Variants in RELN observed in about 807,000 individuals in gnomAD.
RELN encodes the protein reelin.
RELN carries 108 observed loss-of-function variants against 427.6 expected under a neutral mutation model. The ratio of observed to expected loss-of-function variants is 0.25; its 90% confidence interval spans 0.22 to 0.30. The LOEUF (loss-of-function observed/expected upper bound fraction) is 0.30, where lower values mean the gene tolerates loss of function less well. Ranked by LOEUF, RELN falls within the 10% of genes least tolerant of loss-of-function variation. The pLI is 1.00. For synonymous variants in RELN, 1,524 were observed against 1,513.4 expected, an observed-to-expected ratio of 1.01 and a Z score of -0.16; for missense variants, 3,715 against 4,302.8, an observed-to-expected ratio of 0.86 and a Z score of 3.82.
At chr7:103,645,330 G>A (rs1460574929) in intron 16 of RELN, among the ~76,000 whole-genome samples, 1 of 151,806 alleles carries the variant, frequency 6.6e-6, no homozygotes, top group South Asian at 2.1e-4. Flanking sequence ...AAAAGATACA[G>A]ATTGGCAGAA....
intron 10 of RELN, among the ~76,000 whole-genome samples, chr7:103,688,800 A>G (rs980094628): frequency 5.3e-5 from 8 of 152,136 alleles, no homozygotes; most frequent in African/African-American, 1.9e-4. Context: ...TACAAGAGCA[A>G]CAGAAAATTA....
chr7:103,952,477 T>C (rs889498328), intron 1 of RELN, among the ~76,000 whole-genome samples: 2 of 152,206 alleles, frequency 1.3e-5, no homozygotes, highest in African/African-American at 2.4e-5. Context: ...AAAATGTTTA[T>C]GTCTCCTGAT....
At chr7:103,808,080 A>G (rs1473325360) in intron 3 of RELN, among the ~76,000 whole-genome samples, 1 of 152,196 alleles carries the variant, frequency 6.6e-6, no homozygotes, top group Non-Finnish European at 1.5e-5. Context: ...ATCCTCCTTC[A>G]AGAGGTTGGA....
At chr7:103,755,815 G>A (rs373066239) in intron 4 of RELN, among the ~76,000 whole-genome samples, 1,230 of 103,228 alleles carry the variant, frequency 0.012, no homozygotes, top group East Asian at 0.014. Context: ...TCCACCTCAA[G>A]AAAAAAAAAA....
intron 60 of RELN, among the ~76,000 whole-genome samples, chr7:103,488,362 C>A (rs79494515): frequency 0.014 from 2,135 of 152,230 alleles, 61 homozygotes; most frequent in African/African-American, 0.05. Context: ...GGAGAGAGGG[C>A]AAATTCCAGA....
At chr7:103,500,633 T>C in intron 53 of RELN, 112 bp downstream of exon 53, 2 of 1,059,616 alleles carry the variant, frequency 1.9e-6, no homozygotes, top group Non-Finnish European at 2.8e-6. Context: ...AAGGATTTTC[T>C]TTCCTGGGGG....
intron 6 of RELN, among the ~76,000 whole-genome samples, chr7:103,730,301 C>CTA (rs1790321492): frequency 6.6e-6 from 1 of 151,870 alleles, no homozygotes; most frequent in Non-Finnish European, 1.5e-5. Flanking sequence ...AAGAAAATAT[C>CTA]TATATATAAT....
chr7:103,972,669 A>G (rs1248385129), intron 1 of RELN, among the ~76,000 whole-genome samples: 1 of 152,198 alleles, frequency 6.6e-6, no homozygotes, highest in Non-Finnish European at 1.5e-5. Context: ...GATTTAGGAA[A>G]ATACAATGCC....
intron 16 of RELN, among the ~76,000 whole-genome samples, chr7:103,641,816 C>T (rs767338828): frequency 2.0e-5 from 3 of 152,098 alleles, no homozygotes; most frequent in Non-Finnish European, 2.9e-5. Flanking sequence ...GGGCTGGCTC[C>T]ATTCTTCTTC....
chr7:103,636,957 T>C (rs1288872580), intron 17 of RELN, among the ~76,000 whole-genome samples: 2 of 152,212 alleles, frequency 1.3e-5, no homozygotes, highest in Non-Finnish European at 2.9e-5. Flanking sequence ...CTTTAACTAT[T>C]TCAGATGTAT....
chr7:103,975,598 A>C (rs1796859405), intron 1 of RELN, among the ~76,000 whole-genome samples: 1 of 150,360 alleles, frequency 6.7e-6, no homozygotes, highest in Admixed American at 6.7e-5. Context: ...CCCAGGCTGG[A>C]GTAGTGGTGC....
At chr7:103,649,031 C>T (rs1832856627) in intron 16 of RELN, among the ~76,000 whole-genome samples, 1 of 151,808 alleles carries the variant, frequency 6.6e-6, no homozygotes, top group Non-Finnish European at 1.5e-5. Context: ...GTATAGATAT[C>T]TCTCAAAAAA....
At position 103,791,880 on chromosome 7, in the gene RELN, A is replaced by G. The variant is rs151230188; in HGVS notation, c.474-15253T>C. On this transcript the variant is annotated intron_variant, in intron 3 of 64. Coordinates refer to ENST00000428762, the MANE Select transcript of RELN (RefSeq NM_005045.4). ...TATATGAAGAACTCTTTACAACTCA[A>G]TAAAAAATAAGTAACTCAATTTAAA... Among the ~76,000 whole-genome samples, 21 of 152,306 alleles carry G rather than the reference A, an allele frequency of 1.4e-4. 1 individual carries two copies. In the East Asian group the frequency reaches 3.7e-3, roughly 27 times the overall value.
chr7:103,783,066 G>A (rs1010082734), intron 3 of RELN, among the ~76,000 whole-genome samples: 1 of 151,894 alleles, frequency 6.6e-6, no homozygotes, highest in Non-Finnish European at 1.5e-5. Context: ...GAGTTGATCT[G>A]AGTTCGGTAA....
rs1173460475 is a variant in RELN, at chr7:103,640,185, A to G, written c.2069+358T>C. The stretch of plus-strand genomic sequence containing the variant: ...GATCTATGGGTCATTACTGATTTTT[A>G]CAATCATTTACAAAGCATGCTAGGA... On this transcript the variant is annotated intron_variant, in intron 17 of 64. Transcript: ENST00000428762. The surrounding 1 kb of genome is among the most constrained non-coding windows in gnomAD (Gnocchi z 4.1). 6.6e-6 allele frequency among the ~76,000 whole-genome samples: 1 copy of G among 152,144 alleles called. No homozygotes were observed. The highest frequency in any genetic ancestry group is 1.9e-4 in the East Asian group (1 of 5,192).
At chr7:103,567,335 C>T (rs954340792) in intron 31 of RELN, among the ~76,000 whole-genome samples, 1 of 152,224 alleles carries the variant, frequency 6.6e-6, no homozygotes, top group Non-Finnish European at 1.5e-5. Flanking sequence ...GTCTGACTTT[C>T]GTTTCTCTGT....
At chr7:103,923,750 T>C (rs1406101008) in intron 1 of RELN, among the ~76,000 whole-genome samples, 2 of 152,094 alleles carry the variant, frequency 1.3e-5, no homozygotes, top group Non-Finnish European at 2.9e-5. Context: ...AGAGGAGCAT[T>C]GCTAAATGTA....
At chr7:103,533,042 G>A (rs1829974838) in intron 46 of RELN, among the ~76,000 whole-genome samples, 1 of 152,202 alleles carries the variant, frequency 6.6e-6, no homozygotes, top group Non-Finnish European at 1.5e-5. Context: ...ATGAATAATT[G>A]CTACTGATGA....
chr7:103,553,981 T>C, intron 38 of RELN, 150 bp from the exon 39 acceptor site: 2 of 703,942 alleles, frequency 2.8e-6, no homozygotes, highest in South Asian at 3.3e-5. Flanking sequence ...AGCCCAGGAG[T>C]TCAAGACCAG....
Sources: gnomAD v4.1 joint callset for allele counts (sites outside exome capture counted in the v4.1 genomes callset) on GRCh38, gnomAD v4.1.1 for gene constraint, Gnocchi (gnomAD v3.1) non-coding constraint, MANE v1.5 for transcripts, NCBI Gene and HGNC (gene_info 2026-07-23, HGNC 2026-07-21) for gene names.